The following DHX37 variants were observed in gnomAD, a reference collection of about 807,000 sequenced individuals.
The protein encoded by DHX37 is DEAH-box helicase 37, also known as probable ATP-dependent RNA helicase DHX37.
DHX37 carries 52 observed loss-of-function variants against 134.3 expected under a neutral mutation model. That is an observed-to-expected ratio of 0.39 (90% confidence interval 0.31 to 0.49). DHX37 has a LOEUF of 0.49. Ranked by LOEUF, DHX37 falls within the 20% of genes least tolerant of loss-of-function variation. The pLI, the probability that DHX37 is intolerant of heterozygous loss-of-function variation, is 0.93. For missense variants in DHX37, 1,344 were observed against 1,580.8 expected, an observed-to-expected ratio of 0.85 and a Z score of 2.54; for synonymous variants, 634 against 670.7, an observed-to-expected ratio of 0.95 and a Z score of 0.85.
intron 12 of DHX37, among the ~76,000 whole-genome samples, 193 bp from the exon 13 acceptor site, chr12:124,966,005 C>T (rs1013214354): frequency 6.6e-6 from 1 of 152,194 alleles, no homozygotes; most frequent in African/African-American, 2.4e-5. Context: ...TATCATAGAC[C>T]TTGTCTCCCA....
intron 1 of DHX37, among the ~76,000 whole-genome samples, chr12:124,987,095 C>T (rs186838052): frequency 5.0e-4 from 76 of 152,334 alleles, no homozygotes; most frequent in Admixed American, 1.2e-3. Flanking sequence ...GTGGCGCACG[C>T]CTGCAATCCC....
chr12:124,973,169 A>T (rs1201287592), intron 6 of DHX37, among the ~76,000 whole-genome samples: 1 of 151,926 alleles, frequency 6.6e-6, no homozygotes, highest in Non-Finnish European at 1.5e-5. Flanking sequence ...TGTAATCCCA[A>T]CACTTTGGGA....
At chr12:124,986,993 C>T (rs1204073999) in intron 1 of DHX37, among the ~76,000 whole-genome samples, 3 of 152,138 alleles carry the variant, frequency 2.0e-5, no homozygotes, top group Non-Finnish European at 2.9e-5. Flanking sequence ...GTGAGCCACC[C>T]GCCTCAGCCT....
At chr12:124,967,250 T>C in intron 10 of DHX37, 32 bp from the exon 11 acceptor site, 1 of 1,605,728 alleles carries the variant, frequency 6.2e-7, no homozygotes, top group Non-Finnish European at 8.5e-7. Flanking sequence ...CTGTTATCCA[T>C]CAGTCACTCA....
chr12:124,965,955 T>C, intron 12 of DHX37, 143 bp from the exon 13 acceptor site: 2 of 1,034,528 alleles, frequency 1.9e-6, no homozygotes, highest in Non-Finnish European at 2.7e-6. Context: ...CACATAATTC[T>C]CTCTTCCTGC....
intron 16 of DHX37, among the ~76,000 whole-genome samples, chr12:124,957,411 C>T (rs538162187): frequency 1.3e-5 from 2 of 152,314 alleles, no homozygotes; most frequent in African/African-American, 2.4e-5. Flanking sequence ...GTGCTTTTTT[C>T]GGTTTTTAAC....
intron 21 of DHX37, 138 bp from the exon 22 acceptor site, chr12:124,950,942 GC>G: frequency 1.6e-6 from 2 of 1,267,540 alleles, no homozygotes; most frequent in African/African-American, 1.6e-5. Flanking sequence ...GGGAAATGCG[GC>G]CCATCCACAC....
At chr12:124,955,302 G>A (rs903442161) in intron 18 of DHX37, among the ~76,000 whole-genome samples, 14 of 152,186 alleles carry the variant, frequency 9.2e-5, no homozygotes, top group Admixed American at 2.0e-4. Flanking sequence ...GTGTGACTTC[G>A]GGCTCTGCTG....
chr12:124,953,901 G>A lies in DHX37; in HGVS notation c.2674C>T (p.Arg892Trp), dbSNP rs369049552. Residue 892 changes from arginine (R) to tryptophan (W), a missense_variant, in exon 20 of 27, where the codon CGG (arginine) becomes TGG (tryptophan). Around this residue, in one of 7 missense-constraint regions of DHX37, gnomAD observed 558 missense variants for 650.0 expected, o/e 0.86. Transcript: ENST00000308736. ...YKAMMEIRRLRGQLTTAVNAV... is the reference protein window; with the variant it reads ...YKAMMEIRRLWGQLTTAVNAV... ...GTACCTGCGGTGGTCAGCTGGCCCC[G>A]CAGGCGCCGGATCTCCATCATGGCT... The A allele has an allele frequency of 2.5e-5, 41 of 1,611,432 alleles. No individual in the cohort carries two copies. Among genetic ancestry groups the A allele is most frequent in the Admixed American group, 1.0e-4 (6 of 59,846 alleles).
intron 8 of DHX37, among the ~76,000 whole-genome samples, chr12:124,969,644 C>T (rs1173799836): frequency 6.6e-6 from 1 of 151,998 alleles, no homozygotes; most frequent in Non-Finnish European, 1.5e-5. Flanking sequence ...TCACTGTCCA[C>T]CCACAGGGAT....
chr12:124,979,034 T>C (rs955710621), intron 4 of DHX37, among the ~76,000 whole-genome samples: 5 of 151,960 alleles, frequency 3.3e-5, no homozygotes, highest in Admixed American at 2.6e-4. Context: ...CATGCGCTCA[T>C]AGGAGAGGGA....
rs141968557 is a variant in DHX37 at position 124,958,625 on chromosome 12, T to C, written c.2158-1490A>G. ...AGCACATACTTGGCATCCATGATTC[T>C]TTTTTTTCTTTTTTTTTGTGAGATG... On this transcript the variant is annotated intron_variant, in intron 16 of 26. Transcript: ENST00000308736. Among the ~76,000 whole-genome samples, 20 of 149,042 alleles carry C rather than the reference T, an allele frequency of 1.3e-4. 2 individuals are homozygous for C. Among genetic ancestry groups the C allele is most frequent in the African/African-American group, 4.6e-4 (19 of 41,278 alleles).
rs767393785 is a variant in DHX37 at position 124,986,228 on chromosome 12, C to T, written c.144G>A (p.Ala48=). Residue 48 remains alanine, a synonymous_variant, in exon 2 of 27, where the codon GCG becomes GCA. Coordinates refer to ENST00000308736, the MANE Select transcript of DHX37 (RefSeq NM_032656.4). The part of the protein sequence containing the change: ...DTLKGVDASN[A]LVLPGKKKKK... The stretch of plus-strand genomic sequence containing the variant: ...TTTTCTTCTTCCCCGGTAGAACGAG[C>T]GCGTTGCTTGCATCAACTCCCTTCA... The T allele has an allele frequency of 1.2e-5, 20 of 1,613,972 alleles. No homozygotes were observed. The highest frequency in any genetic ancestry group is 6.7e-5 in the East Asian group (3 of 44,898).
At chr12:124,963,162 C>T (rs773476046) in intron 15 of DHX37, among the ~76,000 whole-genome samples, 5 of 152,192 alleles carry the variant, frequency 3.3e-5, no homozygotes, top group Admixed American at 2.6e-4. Context: ...TGATATCATT[C>T]AGCCACGGCC....
chr12:124,960,487 G>T, intron 15 of DHX37, 64 bp from the exon 16 acceptor site: 1 of 1,583,538 alleles, frequency 6.3e-7, no homozygotes, highest in Non-Finnish European at 8.6e-7. Context: ...GATGAATACA[G>T]CCTGGGCAGA....
chr12:124,960,420 C>T lies in DHX37; in HGVS notation c.2049G>A (p.Leu683=), dbSNP rs776019677. 14 of 1,608,632 alleles carry T rather than the reference C, an allele frequency of 8.7e-6. No homozygotes were observed. The highest frequency in any genetic ancestry group is 2.2e-5 in the East Asian group (1 of 44,856). Reference sequence around the variant, plus strand: ...AGTCACCAAAAACCGCAGATGAATACAGCCTGGATGGAGAGAAACCGGGAC... The same window carrying T: ...AGTCACCAAAAACCGCAGATGAATATAGCCTGGATGGAGAGAAACCGGGAC... The part of the protein sequence containing the change: ...GRTEPGHCYR[L]YSSAVFGDFE... The change falls in exon 16 of 27, where the codon CTG becomes CTA. Residue 683 remains leucine, a synonymous_variant. Transcript: ENST00000308736.
intron 13 of DHX37, among the ~76,000 whole-genome samples, 168 bp downstream of exon 13, chr12:124,965,500 A>G (rs1373205141): frequency 1.3e-5 from 2 of 152,204 alleles, no homozygotes; most frequent in East Asian, 1.9e-4. Context: ...ATTACATTCA[A>G]CATGGCAAAT....
chr12:124,970,888 G>T (rs1172875496), intron 8 of DHX37, among the ~76,000 whole-genome samples: 3 of 152,210 alleles, frequency 2.0e-5, no homozygotes, highest in Non-Finnish European at 4.4e-5. Flanking sequence ...GCAGGGAGAT[G>T]GAGAAAGAGG....
intron 20 of DHX37, chr12:124,952,937 C>T (rs1954004682): frequency 2.5e-5 from 4 of 158,430 alleles, no homozygotes; most frequent in South Asian, 4.1e-4. Context: ...GGACAGCCGG[C>T]GGGTGCCCTG....
Sources: allele counts gnomAD v4.1 joint callset (sites outside exome capture counted in the v4.1 genomes callset), GRCh38; gene constraint gnomAD v4.1.1; regional missense constraint gnomAD v4.1.1; transcripts MANE v1.5; gene names NCBI Gene and HGNC (gene_info 2026-07-23, HGNC 2026-07-21).